Variants in DPYS observed in about 807,000 individuals in gnomAD.
DPYS encodes the protein dihydropyrimidinase.
In DPYS, 39 loss-of-function variants were observed where a neutral mutation model predicts 50.3. The ratio of observed to expected loss-of-function variants is 0.78; its 90% CI spans 0.60 to 1.01. The LOEUF (loss-of-function observed/expected upper bound fraction) is 1.01. DPYS is among the 50% of genes least tolerant of loss of function. The pLI, the probability that DPYS is intolerant of heterozygous loss-of-function variation, is 0.00. For synonymous variants in DPYS, 245 were observed against 250.7 expected (o/e 0.98, Z 0.22); for missense variants, 659 against 680.9 (o/e 0.97, Z 0.36).
chr8:104,436,222 C>A (rs1813140541), intron 4 of DPYS, among the ~76,000 whole-genome samples: 1 of 152,168 alleles, frequency 6.6e-6, no homozygotes, highest in Non-Finnish European at 1.5e-5. Context: ...ACTGAACTGT[C>A]CCGTCAACAT....
At chr8:104,448,153 GCT>G in intron 2 of DPYS, among the ~76,000 whole-genome samples, 1 of 146,046 alleles carries the variant, frequency 6.8e-6, no homozygotes, top group Non-Finnish European at 1.5e-5. Context: ...CGCAACAATT[GCT>G]CTTTTTTTTT....
chr8:104,407,626 C>T (rs375983224), intron 7 of DPYS, among the ~76,000 whole-genome samples: 12 of 152,050 alleles, frequency 7.9e-5, no homozygotes, highest in African/African-American at 2.9e-4. Context: ...TCATAGGTAA[C>T]AGAAAAACAA....
chr8:104,429,752 A>G, intron 4 of DPYS, 51 bp from the exon 5 acceptor site: 1 of 1,607,734 alleles, frequency 6.2e-7, no homozygotes, highest in Non-Finnish European at 8.5e-7. Context: ...TCTTAAGAGG[A>G]CCATATGACA....
intron 3 of DPYS, among the ~76,000 whole-genome samples, chr8:104,446,364 TA>T (rs1813530700): frequency 6.6e-6 from 1 of 152,158 alleles, no homozygotes; most frequent in Admixed American, 6.5e-5. Flanking sequence ...ACAAACAAAA[TA>T]AAAATACTGT....
chr8:104,413,381 G>T (rs1003080082), intron 7 of DPYS, among the ~76,000 whole-genome samples: 1 of 151,654 alleles, frequency 6.6e-6, no homozygotes, highest in Non-Finnish European at 1.5e-5. Flanking sequence ...TATATATATA[G>T]TAAATAGAAA....
At chr8:104,397,040 T>C (rs1354697710) in intron 7 of DPYS, among the ~76,000 whole-genome samples, 1 of 152,190 alleles carries the variant, frequency 6.6e-6, no homozygotes, top group Non-Finnish European at 1.5e-5. Context: ...AGGGTGTCAT[T>C]TGTCACCCAA....
chr8:104,451,660 T>C (rs966626432), intron 1 of DPYS, among the ~76,000 whole-genome samples: 10 of 152,158 alleles, frequency 6.6e-5, no homozygotes, highest in Admixed American at 6.5e-4. Context: ...TGGATTTGAC[T>C]CAAAGAAAAC....
At chr8:104,434,478 G>T (rs1452780705) in intron 4 of DPYS, among the ~76,000 whole-genome samples, 6 of 152,164 alleles carry the variant, frequency 3.9e-5, no homozygotes, top group South Asian at 2.1e-4. Flanking sequence ...GAGAGGAGGG[G>T]TCCATTCAGA....
At chr8:104,383,267 C>T (rs1224185494) in intron 8 of DPYS, among the ~76,000 whole-genome samples, 1 of 152,168 alleles carries the variant, frequency 6.6e-6, no homozygotes, top group East Asian at 1.9e-4. Context: ...GTGTAATTAT[C>T]TGACTTCTCT....
intron 7 of DPYS, among the ~76,000 whole-genome samples, chr8:104,408,405 A>G (rs1252024518): frequency 6.6e-6 from 1 of 152,220 alleles, no homozygotes; most frequent in Non-Finnish European, 1.5e-5. Flanking sequence ...TCTCCATAAG[A>G]AAAAAACCTC....
At chr8:104,444,612 C>CAT (rs879392852) in intron 3 of DPYS, among the ~76,000 whole-genome samples, 175 bp from the exon 4 acceptor site, 22 of 151,926 alleles carry the variant, frequency 1.4e-4, no homozygotes, top group East Asian at 1.4e-3. Context: ...ATCTATAACA[C>CAT]ATATATATAT....
chr8:104,461,771 T>C (rs559317688), intron 1 of DPYS, among the ~76,000 whole-genome samples: 16 of 152,246 alleles, frequency 1.1e-4, no homozygotes, highest in South Asian at 6.2e-4. Context: ...TTAAGGAATA[T>C]GCAGGCTGGA....
At chr8:104,424,551 C>T (rs1812656096) in intron 6 of DPYS, among the ~76,000 whole-genome samples, 162 bp from the exon 7 acceptor site, 1 of 152,130 alleles carries the variant, frequency 6.6e-6, no homozygotes, top group Non-Finnish European at 1.5e-5. Flanking sequence ...GTCATAATGC[C>T]AATGATGGAG....
rs1295051684 is a variant in DPYS, at chr8:104,466,967, G to A, written c.-47C>T. 5 of 1,366,596 alleles carry A rather than the reference G, an allele frequency of 3.7e-6. No individual in the cohort carries two copies. The highest frequency in any genetic ancestry group is 4.7e-6 in the Non-Finnish European group (5 of 1,064,956). The allele number at this position is 1,366,596 out of a possible 1,614,324, so 84.7% of individuals were successfully genotyped here. ...TACTCGGCCCGGGCTGCGCGCAGGG[G>A]CTGGGTTGGGCGGGCCGGGCGGGCT... On this transcript the variant is annotated 5_prime_UTR_variant, in exon 1 of 10. Transcript: ENST00000351513.
intron 1 of DPYS, among the ~76,000 whole-genome samples, chr8:104,454,507 T>G (rs1813860109): frequency 6.6e-6 from 1 of 152,206 alleles, no homozygotes; most frequent in African/African-American, 2.4e-5. Context: ...GTATTGTAGG[T>G]GGATTCTATC....
chr8:104,416,658 AGT>A (rs58283473), intron 7 of DPYS, among the ~76,000 whole-genome samples: 37,019 of 150,474 alleles, frequency 0.25, 4,925 homozygotes, highest in African/African-American at 0.35. Flanking sequence ...TGTGCATGTG[AGT>A]GTGTGTGTGT....
At chr8:104,436,850 AC>A (rs746818987) in intron 4 of DPYS, among the ~76,000 whole-genome samples, 42 of 152,222 alleles carry the variant, frequency 2.8e-4, no homozygotes, top group Non-Finnish European at 4.7e-4. Context: ...AAATAAAAAA[AC>A]AAATAAAGTA....
intron 7 of DPYS, chr8:104,420,794 T>C (rs1336167222): frequency 6.6e-6 from 1 of 150,848 alleles, no homozygotes; most frequent in African/African-American, 2.4e-5. Context: ...TAGAACCCCA[T>C]GGTTCATCTG....
intron 4 of DPYS, among the ~76,000 whole-genome samples, chr8:104,433,213 T>C (rs1813013209): frequency 6.6e-6 from 1 of 152,126 alleles, no homozygotes; most frequent in Non-Finnish European, 1.5e-5. Flanking sequence ...TGTGAGAAAA[T>C]AAATTCCTGT....
Sources: allele counts gnomAD v4.1 joint callset (sites outside exome capture counted in the v4.1 genomes callset), GRCh38; gene constraint gnomAD v4.1.1; transcripts MANE v1.5; gene names NCBI Gene and HGNC (gene_info 2026-07-23, HGNC 2026-07-21).